Variants in THSD7B observed in about 807,000 individuals in gnomAD.
THSD7B encodes the protein thrombospondin type 1 domain containing 7B.
In THSD7B, 138 loss-of-function variants were observed where a neutral mutation model predicts 213.6. The observed-to-expected ratio is 0.65, with a 90% CI of 0.56 to 0.74. The LOEUF is 0.74. Ranked by LOEUF, THSD7B falls within the 30% of genes least tolerant of loss-of-function variation. The pLI is 0.00. For synonymous variants in THSD7B, 742 were observed against 687.0 expected, an observed-to-expected ratio of 1.08 and a Z score of -1.25; for missense variants, 1,931 against 1,991.5, an observed-to-expected ratio of 0.97 and a Z score of 0.58.
At position 137,028,804 on chromosome 2, in the gene THSD7B, A is replaced by G. The variant is rs1686603493; in HGVS notation, c.140-27616A>G. Among the ~76,000 whole-genome samples the G allele has an allele frequency of 2.0e-5, 3 of 152,180 alleles. No homozygotes were observed. In the South Asian group the frequency reaches 6.2e-4, roughly 31 times the overall value. ...AAGCTCAACCTAAAAAATAGGTAGG[A>G]ACTAGTCAGGTAAATGATTCTTTGA... On this transcript the variant is annotated intron_variant, in intron 2 of 27. Coordinates refer to ENST00000409968, the MANE Select transcript of THSD7B (RefSeq NM_001316349.2).
At chr2:137,153,603 T>C (rs1227092682) in intron 5 of THSD7B, among the ~76,000 whole-genome samples, 1 of 152,170 alleles carries the variant, frequency 6.6e-6, no homozygotes, top group East Asian at 1.9e-4. Flanking sequence ...ACTGATTCAT[T>C]GTTTTGCAAA....
Position 137,461,501 on chromosome 2 carries a change from G to A in THSD7B, c.3138+10478G>A, listed in dbSNP as rs114877825. ...CTTGTCCCAAATGGCAAAAGTACAC[G>A]AGCACTACCTTCCCACTGGACTCTG... On this transcript the variant is annotated intron_variant, in intron 15 of 27. Coordinates refer to ENST00000409968, the MANE Select transcript of THSD7B (RefSeq NM_001316349.2). Among the ~76,000 whole-genome samples, 416 of 152,032 alleles carry A rather than the reference G, an allele frequency of 2.7e-3. 3 individuals are homozygous for A. The highest frequency in any genetic ancestry group is 9.5e-3 in the African/African-American group (393 of 41,482).
chr2:136,927,333 T>G (rs1479703979), intron 2 of THSD7B, among the ~76,000 whole-genome samples: 1 of 152,206 alleles, frequency 6.6e-6, no homozygotes, highest in Non-Finnish European at 1.5e-5. Context: ...GCAGCCGGTA[T>G]GCTGACTTCC....
At position 136,882,380 on chromosome 2, in the gene THSD7B, C is replaced by T. The variant is rs927841495; in HGVS notation, c.139+63C>T. The T allele has an allele frequency of 3.0e-6, 4 of 1,352,982 alleles. No homozygotes were observed. In the African/African-American group the frequency reaches 4.6e-5, roughly 15 times the overall value. The allele number at this position is 1,352,982 out of a possible 1,614,324, so 83.8% of individuals were successfully genotyped here. A position where few individuals can be genotyped will look rare whatever the true frequency, so the allele number is the denominator to read the frequency against. On this transcript the variant is annotated intron_variant, in intron 2 of 27. Coordinates refer to ENST00000409968, the MANE Select transcript of THSD7B (RefSeq NM_001316349.2). Reference sequence around the variant, plus strand: ...TTAACAGGAAGAATATTCTTTCCATCCTTCTTCTTCTTCTTTCTAAAGTAG... The same window carrying T: ...TTAACAGGAAGAATATTCTTTCCATTCTTCTTCTTCTTCTTTCTAAAGTAG...
chr2:137,586,980 A>G (rs1218470827), intron 17 of THSD7B, among the ~76,000 whole-genome samples: 1 of 152,284 alleles, frequency 6.6e-6, no homozygotes, highest in East Asian at 1.9e-4. Context: ...CACCAATCAG[A>G]CATAGATTTG....
intron 10 of THSD7B, among the ~76,000 whole-genome samples, chr2:137,261,788 C>T (rs973778147): frequency 6.6e-6 from 1 of 152,148 alleles, no homozygotes; most frequent in South Asian, 2.1e-4. Context: ...TTTACAACCA[C>T]CTCCAAAACA....
intron 17 of THSD7B, among the ~76,000 whole-genome samples, chr2:137,586,010 CTGGGTGCTCCTGTAT>C (rs1487051633): frequency 6.7e-6 from 1 of 148,832 alleles, no homozygotes; most frequent in African/African-American, 2.5e-5. Context: ...CTTTATGAAT[CTGGGTGCTCCTGTAT>C]TGGGTGCATT....
chr2:137,377,084 A>G (rs1436815822), intron 12 of THSD7B, among the ~76,000 whole-genome samples: 2 of 152,294 alleles, frequency 1.3e-5, no homozygotes, highest in East Asian at 1.9e-4. Context: ...CTAAAATGCA[A>G]TTGATTCATA....
intron 12 of THSD7B, among the ~76,000 whole-genome samples, chr2:137,383,307 G>A (rs548997759): frequency 5.3e-5 from 8 of 151,798 alleles, no homozygotes; most frequent in South Asian, 2.1e-4. Flanking sequence ...GTGGTTGCAC[G>A]CCATAACCTG....
intron 17 of THSD7B, among the ~76,000 whole-genome samples, chr2:137,584,789 A>C (rs1012351807): frequency 3.3e-5 from 5 of 152,152 alleles, no homozygotes; most frequent in African/African-American, 1.2e-4. Flanking sequence ...ATATTGGTCT[A>C]AAATTCTCTT....
intron 2 of THSD7B, among the ~76,000 whole-genome samples, chr2:136,984,918 C>A (rs1226587776): frequency 2.0e-5 from 3 of 152,042 alleles, no homozygotes; most frequent in Admixed American, 2.0e-4. Flanking sequence ...TATACCTTAG[C>A]AGAGAACTTA....
chr2:137,479,032 G>A lies in THSD7B; in HGVS notation c.3138+28009G>A, dbSNP rs898305836. Among the ~76,000 whole-genome samples, 20 of 152,264 alleles carry A rather than the reference G, an allele frequency of 1.3e-4. 1 individual carries two copies. The highest frequency in any genetic ancestry group is 2.1e-4 in the South Asian group (1 of 4,828). ...AGTCCAGACAGGCTTATATTTGGGC[G>A]TCCACATAACTTGCTCAAATGCTAG... On this transcript the variant is annotated intron_variant, in intron 15 of 27. Coordinates refer to ENST00000409968, the MANE Select transcript of THSD7B (RefSeq NM_001316349.2).
intron 2 of THSD7B, among the ~76,000 whole-genome samples, chr2:136,981,726 C>T (rs534292941): frequency 2.0e-5 from 3 of 152,298 alleles, no homozygotes; most frequent in East Asian, 3.9e-4. Context: ...CTCTGGAAAA[C>T]CTTGTCTGAC....
intron 15 of THSD7B, among the ~76,000 whole-genome samples, chr2:137,530,781 A>G (rs1424776311): frequency 6.6e-6 from 1 of 152,040 alleles, no homozygotes; most frequent in Non-Finnish European, 1.5e-5. Flanking sequence ...GGACTAAAGC[A>G]TATGCAAACA....
intron 5 of THSD7B, among the ~76,000 whole-genome samples, chr2:137,125,205 C>T (rs896204252): frequency 3.4e-4 from 51 of 152,148 alleles, no homozygotes; most frequent in African/African-American, 1.2e-3. Flanking sequence ...TTGACTCTTC[C>T]TTATACGACA....
At chr2:137,183,429 G>A (rs557297977) in intron 7 of THSD7B, among the ~76,000 whole-genome samples, 46 of 152,270 alleles carry the variant, frequency 3.0e-4, no homozygotes, top group African/African-American at 1.1e-3. Flanking sequence ...ATCTGCAAGA[G>A]TGGAGTGTCT....
chr2:137,048,135 A>T (rs1386735153), intron 2 of THSD7B, among the ~76,000 whole-genome samples: 1 of 150,326 alleles, frequency 6.7e-6, no homozygotes, highest in Non-Finnish European at 1.5e-5. Context: ...TTCAATTCCC[A>T]CTTATGAGTG....
chr2:137,098,679 T>C (rs1376270212), intron 4 of THSD7B, among the ~76,000 whole-genome samples: 1 of 152,160 alleles, frequency 6.6e-6, no homozygotes, highest in Non-Finnish European at 1.5e-5. Context: ...TAGAAAAGTG[T>C]TCTAGTCCTT....
At chr2:137,362,676 G>A (rs1685295351) in intron 12 of THSD7B, among the ~76,000 whole-genome samples, 1 of 152,198 alleles carries the variant, frequency 6.6e-6, no homozygotes, top group East Asian at 1.9e-4. Context: ...AATTCAACAA[G>A]ATGAGCTAAC....
Sources: gnomAD v4.1 joint callset for allele counts (sites outside exome capture counted in the v4.1 genomes callset) on GRCh38, gnomAD v4.1.1 for gene constraint, MANE v1.5 for transcripts, NCBI Gene and HGNC (gene_info 2026-07-23, HGNC 2026-07-21) for gene names.